Variants in GNG7 observed in about 807,000 individuals in gnomAD.
GNG7 encodes guanine nucleotide-binding protein G(I)/G(S)/G(O) subunit gamma-7.
Under a neutral mutation model 4.0 loss-of-function variants are expected in GNG7, and 1 was observed. The ratio of observed to expected loss-of-function variants is 0.25; its 90% confidence interval spans 0.09 to 1.18. GNG7 has a LOEUF of 1.18. GNG7 is among the 50% of genes most tolerant of loss of function. The pLI is 0.50. For missense variants in GNG7, 86 were observed against 91.9 expected (o/e 0.94, Z 0.26); for synonymous variants, 34 against 36.9 (o/e 0.92, Z 0.29).
intron 4 of GNG7, among the ~76,000 whole-genome samples, chr19:2,519,299 C>T (rs1047706264): frequency 6.7e-6 from 1 of 150,182 alleles, no homozygotes; most frequent in African/African-American, 2.5e-5. Context: ...TACAGGCATG[C>T]ACCACCATAC....
chr19:2,644,594 T>C (rs955182082), intron 2 of GNG7, among the ~76,000 whole-genome samples: 5 of 151,950 alleles, frequency 3.3e-5, no homozygotes, highest in African/African-American at 1.2e-4. Context: ...ATTCTAATTA[T>C]GCCAAGAAGA....
intron 2 of GNG7, among the ~76,000 whole-genome samples, chr19:2,572,145 C>A (rs1980167556): frequency 6.6e-6 from 1 of 151,980 alleles, no homozygotes; most frequent in South Asian, 2.1e-4. Flanking sequence ...GCTCAGCCTG[C>A]CGAGTGGCTG....
rs572106565 is a variant in GNG7 at position 2,674,323 on chromosome 19, A to G, written c.-134-28043T>C. 3.9e-5 allele frequency among the ~76,000 whole-genome samples: 6 copies of G among 152,346 alleles called. No homozygotes were observed. The South Asian group carries it at 1.0e-3, about 26-fold the overall frequency. On this transcript the variant is annotated intron_variant, in intron 1 of 4. Transcript: ENST00000382159. ...ATATAATGGAAATACACACAATTGT[A>G]TGTTTGAAATATACAAAAGCAGTAC...
intron 2 of GNG7, among the ~76,000 whole-genome samples, chr19:2,579,867 C>T (rs939621349): frequency 6.6e-6 from 1 of 152,112 alleles, no homozygotes; most frequent in Non-Finnish European, 1.5e-5. Context: ...GGATCCTCTC[C>T]CAGTTCTGGA....
intron 3 of GNG7, among the ~76,000 whole-genome samples, chr19:2,547,188 C>T (rs545493990): frequency 2.8e-4 from 43 of 152,130 alleles, no homozygotes; most frequent in Non-Finnish European, 5.7e-4. Flanking sequence ...AAAACCCCTT[C>T]TCCGCACACT....
intron 2 of GNG7, among the ~76,000 whole-genome samples, chr19:2,638,077 T>C (rs1982364086): frequency 6.6e-6 from 1 of 151,820 alleles, no homozygotes; most frequent in Non-Finnish European, 1.5e-5. Flanking sequence ...TTTGAAATAA[T>C]GAATGGGCCG....
chr19:2,591,197 G>A (rs950115893), intron 2 of GNG7, among the ~76,000 whole-genome samples: 17 of 152,134 alleles, frequency 1.1e-4, no homozygotes, highest in African/African-American at 3.4e-4. Context: ...CAAACAAGCC[G>A]TTCCACGCTG....
chr19:2,522,751 CAAAAAAAAAA>C (rs59490251), intron 3 of GNG7, among the ~76,000 whole-genome samples: 1 of 43,866 alleles, frequency 2.3e-5, no homozygotes, highest in Admixed American at 4.0e-4. Context: ...GACTCTGTCT[CAAAAAAAAAA>C]AAAAAAAAAA....
intron 4 of GNG7, among the ~76,000 whole-genome samples, chr19:2,519,050 C>T (rs936674765): frequency 1.3e-5 from 2 of 151,402 alleles, no homozygotes; most frequent in African/African-American, 4.9e-5. Context: ...CCCACCTCAG[C>T]CTCCCAAAGT....
intron 3 of GNG7, among the ~76,000 whole-genome samples, chr19:2,528,779 C>T (rs1978494502): frequency 6.6e-6 from 1 of 152,206 alleles, no homozygotes. Context: ...TGTTGGAATT[C>T]TCAGAGGGAC....
intron 1 of GNG7, among the ~76,000 whole-genome samples, chr19:2,661,292 A>AAGAGAG (rs1479449694): frequency 2.4e-4 from 9 of 37,830 alleles, no homozygotes; most frequent in South Asian, 2.0e-3. Context: ...GAAAGAAAGA[A>AAGAGAG]AGAAAGAAAG....
chr19:2,631,407 C>T (rs1282223870), intron 2 of GNG7, among the ~76,000 whole-genome samples: 2 of 152,230 alleles, frequency 1.3e-5, no homozygotes, highest in Non-Finnish European at 2.9e-5. Flanking sequence ...TAACTCAAGG[C>T]CTCTAGGCTG....
chr19:2,672,299 G>T (rs1983475453), intron 1 of GNG7, among the ~76,000 whole-genome samples: 2 of 152,120 alleles, frequency 1.3e-5, no homozygotes, highest in Non-Finnish European at 2.9e-5. Context: ...GGGATTGCAG[G>T]CGTGAGCCAC....
At chr19:2,593,710 CT>C (rs1980919434) in intron 2 of GNG7, among the ~76,000 whole-genome samples, 1 of 150,466 alleles carries the variant, frequency 6.6e-6, no homozygotes, top group African/African-American at 2.5e-5. Context: ...TGCCACTGCA[CT>C]CCTGCCTGGG....
intron 3 of GNG7, among the ~76,000 whole-genome samples, chr19:2,542,881 C>CTTTTTT (rs60152060): frequency 8.4e-6 from 1 of 118,350 alleles, no homozygotes; most frequent in Non-Finnish European, 1.7e-5. Context: ...TGCTGTTTTC[C>CTTTTTT]TTTTTTTTTT....
intron 3 of GNG7, among the ~76,000 whole-genome samples, chr19:2,548,565 G>A (rs1197331616): frequency 1.3e-5 from 2 of 151,302 alleles, no homozygotes; most frequent in Non-Finnish European, 2.9e-5. Flanking sequence ...GAGGTGTGTG[G>A]CTCACTTGAG....
chr19:2,603,769 A>G (rs1178833702), intron 2 of GNG7, among the ~76,000 whole-genome samples: 1 of 152,198 alleles, frequency 6.6e-6, no homozygotes, highest in Non-Finnish European at 1.5e-5. Context: ...AAAGGATTTC[A>G]GAGATTGTGT....
chr19:2,585,922 A>G (rs1268538045), intron 2 of GNG7, among the ~76,000 whole-genome samples: 10 of 151,734 alleles, frequency 6.6e-5, no homozygotes, highest in Non-Finnish European at 1.5e-4. Flanking sequence ...GGATGGTCTC[A>G]CTCTCTTGAC....
chr19:2,604,580 A>AGG (rs1981319265), intron 2 of GNG7, among the ~76,000 whole-genome samples: 1 of 139,574 alleles, frequency 7.2e-6, no homozygotes, highest in African/African-American at 3.0e-5. Context: ...GAGGGAGGAA[A>AGG]AAGAGAAAGT....
Sources: allele counts gnomAD v4.1 joint callset (sites outside exome capture counted in the v4.1 genomes callset), GRCh38; gene constraint gnomAD v4.1.1; transcripts MANE v1.5; gene names NCBI Gene and HGNC (gene_info 2026-07-23, HGNC 2026-07-21).